The following FBXW4 variants were observed in gnomAD, a reference collection of about 807,000 sequenced individuals.
FBXW4 encodes F-box/WD repeat-containing protein 4.
In FBXW4, 40 loss-of-function variants were observed where a neutral mutation model predicts 61.8. The ratio of observed to expected loss-of-function variants is 0.65; its 90% CI spans 0.50 to 0.84. The LOEUF is 0.84. Among genes scored for constraint, FBXW4 ranks in the 40% least tolerant of loss-of-function variants. The pLI, the probability that FBXW4 is intolerant of heterozygous loss-of-function variation, is 0.00. For missense variants in FBXW4, 672 were observed against 753.8 expected, an observed-to-expected ratio of 0.89 and a Z score of 1.27; for synonymous variants, 311 against 313.8, an observed-to-expected ratio of 0.99 and a Z score of 0.10.
intron 5 of FBXW4, among the ~76,000 whole-genome samples, chr10:101,667,598 A>G (rs2064317676): frequency 6.6e-6 from 1 of 152,196 alleles, no homozygotes; most frequent in South Asian, 2.1e-4. Flanking sequence ...CAGAAGGGAC[A>G]CTTCTGGCTA....
At chr10:101,669,691 C>CGAT (rs2064339723) in intron 4 of FBXW4, among the ~76,000 whole-genome samples, 2 of 152,284 alleles carry the variant, frequency 1.3e-5, no homozygotes, top group African/African-American at 4.8e-5. Context: ...ATATGCTGAT[C>CGAT]CTATCTTTGC....
At chr10:101,646,970 G>A (rs969239379) in intron 5 of FBXW4, among the ~76,000 whole-genome samples, 3 of 152,162 alleles carry the variant, frequency 2.0e-5, no homozygotes, top group Non-Finnish European at 2.9e-5. Flanking sequence ...ATCGCCTGGC[G>A]GGGTGGGTGG....
intron 5 of FBXW4, among the ~76,000 whole-genome samples, chr10:101,652,106 C>A (rs1053379375): frequency 6.6e-6 from 1 of 152,054 alleles, no homozygotes; most frequent in African/African-American, 2.4e-5. Context: ...TCTCCACCCC[C>A]TCGCTTCTCC....
chr10:101,687,360 C>T (rs921254524), intron 1 of FBXW4, among the ~76,000 whole-genome samples: 2 of 152,148 alleles, frequency 1.3e-5, no homozygotes, highest in Non-Finnish European at 2.9e-5. Context: ...CCCCTTCCAA[C>T]CCACACAGCC....
intron 1 of FBXW4, among the ~76,000 whole-genome samples, chr10:101,677,705 G>C (rs1450697723): frequency 6.6e-6 from 1 of 151,754 alleles, no homozygotes; most frequent in African/African-American, 2.4e-5. Context: ...AGGATCACTT[G>C]AGCCCAGGAA....
chr10:101,654,277 T>G (rs561973623), intron 5 of FBXW4, among the ~76,000 whole-genome samples: 1 of 152,236 alleles, frequency 6.6e-6, no homozygotes, highest in East Asian at 1.9e-4. Flanking sequence ...GTGTTAGAAA[T>G]GTTCTCAAAT....
intron 6 of FBXW4, among the ~76,000 whole-genome samples, chr10:101,617,944 G>A (rs1564902227): frequency 6.6e-6 from 1 of 152,134 alleles, no homozygotes; most frequent in Non-Finnish European, 1.5e-5. Context: ...GAGAAGGGAG[G>A]TACTTTAAAG....
intron 5 of FBXW4, among the ~76,000 whole-genome samples, chr10:101,632,673 A>G (rs1310786647): frequency 1.3e-5 from 2 of 152,202 alleles, no homozygotes; most frequent in African/African-American, 2.4e-5. Context: ...ATTGAATTTA[A>G]TAAGGTGTTG....
chr10:101,637,934 G>T (rs1167561429), intron 5 of FBXW4, among the ~76,000 whole-genome samples: 1 of 151,996 alleles, frequency 6.6e-6, no homozygotes, highest in Non-Finnish European at 1.5e-5. Flanking sequence ...TATCAGAGTG[G>T]CAAAATTTTT....
rs1589734611 is a variant in FBXW4, at chr10:101,612,427, A to C, written c.1352T>G (p.Val451Gly). The change falls in exon 7 of 9, where the codon GTG becomes GGG. Residue 451 changes from valine (V) to glycine (G), a missense_variant. Around this residue, in one of 5 missense-constraint regions of FBXW4, gnomAD observed 312 missense variants for 370.1 expected, o/e 0.84. Transcript: ENST00000331272. The stretch of plus-strand genomic sequence containing the variant: ...AGGGGACTCATACATGACATCCAGC[A>C]CCCCAGCCCCTGGGGGAAAGTCACT... The part of the protein sequence containing the change: ...LGSDFPPGAG[V>G]LDVMYESPFT... The C allele has an allele frequency of 6.3e-7, 1 of 1,595,984 alleles. No homozygotes were observed. The highest frequency in any genetic ancestry group is 8.5e-7 in the Non-Finnish European group (1 of 1,170,846).
chr10:101,690,778 G>C (rs551720418), intron 1 of FBXW4, among the ~76,000 whole-genome samples: 30 of 152,286 alleles, frequency 2.0e-4, no homozygotes, highest in Non-Finnish European at 3.5e-4. Flanking sequence ...CACAGGTTCT[G>C]CTGTCATGTT....
intron 5 of FBXW4, among the ~76,000 whole-genome samples, chr10:101,656,921 C>CTACACT (rs1160694990): frequency 3.9e-5 from 6 of 152,170 alleles, no homozygotes; most frequent in Admixed American, 3.3e-4. Flanking sequence ...CCTGTCCCCC[C>CTACACT]TACACTTTTC....
rs575963617 is a variant in FBXW4 at position 101,645,621 on chromosome 10, C to T, written c.1236-20811G>A. On this transcript the variant is annotated intron_variant, in intron 5 of 8. Coordinates refer to ENST00000331272, the MANE Select transcript of FBXW4 (RefSeq NM_022039.4). ...CAGGGCTTCATTCCTTCAATAAGTA[C>T]CCAGGGGTTCCCCAAGCCAGCCTTG... Among the ~76,000 whole-genome samples the T allele has an allele frequency of 1.9e-4, 29 of 152,310 alleles. No individual in the cohort carries two copies. The South Asian group carries it at 5.8e-3, about 30-fold the overall frequency.
Position 101,683,053 on chromosome 10 carries a change from G to A in FBXW4, c.726-6617C>T, listed in dbSNP as rs560671144. ...ATATATCTCCTTTCTCTGAAAACAG[G>A]TATCCCTCCATCCCTGTGGGAACGT... On this transcript the variant is annotated intron_variant, in intron 1 of 8. Transcript: ENST00000331272. Among the ~76,000 whole-genome samples, 4 of 152,260 alleles carry A rather than the reference G, an allele frequency of 2.6e-5. No individual in the cohort carries two copies. In the East Asian group the frequency reaches 7.7e-4, roughly 29 times the overall value.
Position 101,624,759 on chromosome 10 carries a change from G to T in FBXW4, c.1287C>A (p.Ile429=), listed in dbSNP as rs1178414590. 6.2e-7 allele frequency: 1 copy of T among 1,614,208 alleles called. No individual in the cohort carries two copies. Among genetic ancestry groups the T allele is most frequent in the African/African-American group, 1.3e-5 (1 of 75,058 alleles). Residue 429 remains isoleucine, a synonymous_variant, in exon 6 of 9, where the codon ATC becomes ATA. Transcript: ENST00000331272. ...ACCGHFSPLR[I]WDLNSGQLMT... ...GAATCTCTTACCTGTTGAGGTCCCA[G>T]ATTCTCAGGGGTGAGAAGTGCCCGC...
intron 4 of FBXW4, among the ~76,000 whole-genome samples, chr10:101,668,399 C>T (rs375847291): frequency 1.3e-5 from 2 of 152,010 alleles, no homozygotes; most frequent in African/African-American, 4.8e-5. Flanking sequence ...GGAAGAAGAT[C>T]AAGGCATAGT....
chr10:101,685,680 C>A (rs1344588678), intron 1 of FBXW4, among the ~76,000 whole-genome samples: 1 of 151,970 alleles, frequency 6.6e-6, no homozygotes, highest in Non-Finnish European at 1.5e-5. Context: ...CTTCAATTTT[C>A]TGAAACTTGC....
At chr10:101,683,094 A>G (rs1406629395) in intron 1 of FBXW4, among the ~76,000 whole-genome samples, 1 of 152,186 alleles carries the variant, frequency 6.6e-6, no homozygotes, top group African/African-American at 2.4e-5. Flanking sequence ...TGCCAGTCAA[A>G]GGGGGTCAGG....
At chr10:101,670,507 C>A (rs920753982) in intron 4 of FBXW4, among the ~76,000 whole-genome samples, 5 of 152,178 alleles carry the variant, frequency 3.3e-5, no homozygotes, top group African/African-American at 1.2e-4. Flanking sequence ...GTGATCTGAT[C>A]TCTCCACCCT....
Sources: gnomAD v4.1 joint callset for allele counts (sites outside exome capture counted in the v4.1 genomes callset) on GRCh38, gnomAD v4.1.1 for gene constraint, gnomAD v4.1.1 regional missense constraint, MANE v1.5 for transcripts, NCBI Gene and HGNC (gene_info 2026-07-23, HGNC 2026-07-21) for gene names.